COMMD1: variants seen among roughly 807,000 people sequenced by gnomAD.
The protein encoded by COMMD1 is COMM domain-containing protein 1.
A neutral mutation model predicts 17.2 loss-of-function variants in COMMD1; 10 were observed. The ratio of observed to expected loss-of-function variants is 0.58; its 90% CI spans 0.36 to 0.99. The LOEUF (loss-of-function observed/expected upper bound fraction) is 0.99. Ranked by LOEUF, COMMD1 falls within the 50% of genes least tolerant of loss-of-function variation. COMMD1 has a pLI of 0.01. For missense variants in COMMD1, 270 were observed against 231.8 expected, an observed-to-expected ratio of 1.17 and a Z score of -1.07; for synonymous variants, 97 against 91.6, an observed-to-expected ratio of 1.06 and a Z score of -0.34.
At chr2:62,087,624 G>A (rs1255661394) in intron 2 of COMMD1, among the ~76,000 whole-genome samples, 2 of 152,188 alleles carry the variant, frequency 1.3e-5, no homozygotes, top group East Asian at 1.9e-4. Flanking sequence ...GCAGGAGCCT[G>A]TAATCCCAGC....
chr2:62,041,843 C>CT (rs71041529), intron 2 of COMMD1, among the ~76,000 whole-genome samples: 2 of 152,198 alleles, frequency 1.3e-5, no homozygotes, highest in African/African-American at 4.8e-5. Flanking sequence ...AGGAGTCAAG[C>CT]TGCAGACTTT....
intron 2 of COMMD1, among the ~76,000 whole-genome samples, chr2:62,032,681 T>G (rs555426026): frequency 2.9e-4 from 44 of 152,202 alleles, no homozygotes; most frequent in Non-Finnish European, 6.0e-4. Context: ...CCTATAGATT[T>G]CCCCCTTGCT....
chr2:61,914,209 T>C (rs1404360606), intron 1 of COMMD1, among the ~76,000 whole-genome samples: 1 of 151,922 alleles, frequency 6.6e-6, no homozygotes, highest in Non-Finnish European at 1.5e-5. Flanking sequence ...CAATATAATA[T>C]ATAAATTATG....
At chr2:61,962,492 G>A (rs550010094) in intron 1 of COMMD1, among the ~76,000 whole-genome samples, 44 of 152,314 alleles carry the variant, frequency 2.9e-4, no homozygotes, top group Admixed American at 9.1e-4. Flanking sequence ...GAAAGACTGT[G>A]ATTAAGGAGT....
At chr2:62,056,511 G>A (rs1238866653) in intron 2 of COMMD1, among the ~76,000 whole-genome samples, 1 of 152,198 alleles carries the variant, frequency 6.6e-6, no homozygotes, top group East Asian at 1.9e-4. Context: ...AACTCAATCT[G>A]TCACTTCAGA....
chr2:62,027,063 G>C (rs922946234), intron 2 of COMMD1, among the ~76,000 whole-genome samples: 3 of 151,906 alleles, frequency 2.0e-5, no homozygotes, highest in African/African-American at 4.8e-5. Flanking sequence ...CATTGTCTTA[G>C]TACTATTGAG....
chr2:61,982,648 G>A (rs1671986438), intron 1 of COMMD1, among the ~76,000 whole-genome samples: 1 of 152,074 alleles, frequency 6.6e-6, no homozygotes, highest in Non-Finnish European at 1.5e-5. Context: ...TTATAGTGAG[G>A]TATGTTCTTT....
intron 1 of COMMD1, among the ~76,000 whole-genome samples, chr2:61,898,851 T>C (rs1181965806): frequency 6.6e-6 from 1 of 152,198 alleles, no homozygotes; most frequent in African/African-American, 2.4e-5. Flanking sequence ...ACAATTCTTT[T>C]AATAGGCCTA....
intron 1 of COMMD1, among the ~76,000 whole-genome samples, chr2:61,939,706 G>A (rs952234543): frequency 3.9e-5 from 6 of 152,088 alleles, no homozygotes; most frequent in African/African-American, 1.4e-4. Context: ...CAAAAACATA[G>A]TTCACCCAAA....
At chr2:61,930,617 TTGTGTGTGTG>T (rs59488185) in intron 1 of COMMD1, among the ~76,000 whole-genome samples, 112 of 146,164 alleles carry the variant, frequency 7.7e-4, no homozygotes, top group African/African-American at 1.4e-3. Context: ...CCACAGGGTT[TTGTGTGTGTG>T]TGTGTGTGTG....
intron 1 of COMMD1, among the ~76,000 whole-genome samples, chr2:61,953,529 A>G (rs1426617845): frequency 6.6e-6 from 1 of 151,490 alleles, no homozygotes; most frequent in African/African-American, 2.4e-5. Context: ...CCACCATGCC[A>G]CCTAATTTCT....
intron 2 of COMMD1, among the ~76,000 whole-genome samples, chr2:62,094,486 CGTT>C (rs1054679479): frequency 6.6e-6 from 1 of 152,004 alleles, no homozygotes; most frequent in African/African-American, 2.4e-5. Flanking sequence ...ATTTTGTTGT[CGTT>C]GTTGTTTTAC....
chr2:62,088,832 C>T (rs959612700), intron 2 of COMMD1, among the ~76,000 whole-genome samples: 1 of 152,158 alleles, frequency 6.6e-6, no homozygotes, highest in Non-Finnish European at 1.5e-5. Flanking sequence ...TGCCCAAGGT[C>T]GTGGGGGTAC....
chr2:61,901,705 T>G (rs537129576), upstream of COMMD1, among the ~76,000 whole-genome samples: 8 of 152,198 alleles, frequency 5.3e-5, no homozygotes, highest in African/African-American at 1.9e-4. Context: ...CAGTATTACA[T>G]GTACACTGTA....
chr2:62,001,626 T>C (rs1284582719), intron 2 of COMMD1, among the ~76,000 whole-genome samples: 3 of 152,012 alleles, frequency 2.0e-5, no homozygotes, highest in Non-Finnish European at 4.4e-5. Context: ...CTTATGTCTT[T>C]GGGGAAAAAA....
chr2:61,964,985 G>A (rs950467453), intron 1 of COMMD1, among the ~76,000 whole-genome samples: 1 of 152,110 alleles, frequency 6.6e-6, no homozygotes, highest in Non-Finnish European at 1.5e-5. Context: ...GCAGTGAGCC[G>A]AGATCGTGCC....
intron 2 of COMMD1, among the ~76,000 whole-genome samples, chr2:62,031,809 A>G (rs1669914508): frequency 6.6e-6 from 1 of 152,218 alleles, no homozygotes; most frequent in Non-Finnish European, 1.5e-5. Flanking sequence ...ATACAGGGAA[A>G]GGCTTGTGTG....
chr2:62,005,031 C>T (rs923291633), intron 2 of COMMD1, among the ~76,000 whole-genome samples: 5 of 152,186 alleles, frequency 3.3e-5, no homozygotes, highest in Non-Finnish European at 7.3e-5. Flanking sequence ...CAGTAGTTCT[C>T]AACCATGGTC....
chr2:61,940,957 A>C (rs1572984171), intron 1 of COMMD1, among the ~76,000 whole-genome samples: 2 of 149,324 alleles, frequency 1.3e-5, no homozygotes, highest in Admixed American at 1.3e-4. Context: ...CAAAGTGCTG[A>C]GATTACAGGC....
Sources: allele counts gnomAD v4.1 joint callset (sites outside exome capture counted in the v4.1 genomes callset), GRCh38; gene constraint gnomAD v4.1.1; transcripts MANE v1.5; gene names NCBI Gene and HGNC (gene_info 2026-07-23, HGNC 2026-07-21).